Variants in MED15 observed in about 807,000 individuals in gnomAD.
MED15 encodes mediator of RNA polymerase II transcription subunit 15.
A neutral mutation model predicts 118.7 loss-of-function variants in MED15; 41 were observed. That is an observed-to-expected ratio of 0.35 (90% confidence interval 0.27 to 0.45). The LOEUF (loss-of-function observed/expected upper bound fraction) is 0.45, where lower values mean the gene tolerates loss of function less well. MED15 is among the 20% of genes least tolerant of loss of function. MED15 has a pLI of 1.00. For synonymous variants in MED15, 436 were observed against 413.9 expected, an observed-to-expected ratio of 1.05 and a Z score of -0.65; for missense variants, 740 against 1,025.5, an observed-to-expected ratio of 0.72 and a Z score of 3.80.
In MED15 at chr22:20,585,207, G is replaced by A. The variant is rs752601073; in HGVS notation, c.2071G>A (p.Val691Ile). The A allele has an allele frequency of 1.6e-5, 26 of 1,613,636 alleles. No individual in the cohort carries two copies. The South Asian group carries it at 2.7e-4, about 17-fold the overall frequency. The change falls in exon 16 of 18, where the codon GTA becomes ATA. Residue 691 changes from valine to isoleucine, a missense_variant. By Grantham distance (29) the Val-to-Ile change is conservative. Transcript: ENST00000263205. Reference sequence around the variant, plus strand: ...GGCCAGGCTGGACCCCAAGTTCCTGGTAAACCTGGACCCTTCTCACTGCAG... The same window carrying A: ...GGCCAGGCTGGACCCCAAGTTCCTGATAAACCTGGACCCTTCTCACTGCAG... Reference protein sequence around the residue: ...EVARLDPKFLVNLDPSHCSNN... With the variant: ...EVARLDPKFLINLDPSHCSNN...
At chr22:20,556,877 G>T (rs2056033358) in intron 5 of MED15, among the ~76,000 whole-genome samples, 1 of 152,170 alleles carries the variant, frequency 6.6e-6, no homozygotes, top group Non-Finnish European at 1.5e-5. Flanking sequence ...GACTTTTTGA[G>T]ATTGGCTTTT....
intron 6 of MED15, among the ~76,000 whole-genome samples, chr22:20,565,096 G>A (rs777266240): frequency 1.3e-5 from 2 of 152,216 alleles, no homozygotes; most frequent in African/African-American, 2.4e-5. Flanking sequence ...CTGCGCTCCA[G>A]CCTGGGCAGC....
chr22:20,509,778 A>G (rs1011751388), intron 1 of MED15, among the ~76,000 whole-genome samples: 2 of 152,178 alleles, frequency 1.3e-5, no homozygotes, highest in East Asian at 1.9e-4. Flanking sequence ...AGTTATCTGT[A>G]GGTGAAAACT....
At chr22:20,514,171 G>A (rs1204608258) in intron 1 of MED15, among the ~76,000 whole-genome samples, 1 of 152,102 alleles carries the variant, frequency 6.6e-6, no homozygotes, top group Non-Finnish European at 1.5e-5. Context: ...TGCCTTTGTT[G>A]ACTCTTTATT....
At chr22:20,578,808 C>T (rs749244913) in intron 9 of MED15, among the ~76,000 whole-genome samples, 4 of 152,370 alleles carry the variant, frequency 2.6e-5, no homozygotes, top group Admixed American at 6.5e-5. Flanking sequence ...CTTGCTCTTT[C>T]CTTGTGGCAA....
rs545523809 is a variant in MED15, at chr22:20,581,405, A to G, written c.1273-1206A>G. On this transcript the variant is annotated intron_variant, in intron 9 of 17. Transcript: ENST00000263205. ...CCCAGTACTCACAGCACTGTGGTGG[A>G]AGTGCTTGGGGGGTGGTGTGAGCCG... 1.9e-4 allele frequency among the ~76,000 whole-genome samples: 29 copies of G among 152,214 alleles called. 1 individual carries two copies. Among genetic ancestry groups the G allele is most frequent in the African/African-American group, 7.0e-4 (29 of 41,530 alleles).
intron 2 of MED15, among the ~76,000 whole-genome samples, chr22:20,541,585 G>A (rs2055315432): frequency 6.6e-6 from 1 of 150,496 alleles, no homozygotes; most frequent in Non-Finnish European, 1.5e-5. Flanking sequence ...CCAAATTCCG[G>A]TGATTTTCCT....
chr22:20,583,001 CA>C (rs1462533671), intron 11 of MED15, 34 bp downstream of exon 11: 1 of 1,600,090 alleles, frequency 6.2e-7, no homozygotes. Context: ...GGTCACTCCT[CA>C]CCTTTATGAG....
At chr22:20,507,901 G>T (rs1230364736) in intron 1 of MED15, 155 bp downstream of exon 1, 5 of 1,468,486 alleles carry the variant, frequency 3.4e-6, no homozygotes, top group Admixed American at 2.6e-5. Flanking sequence ...CCCCCCGTCT[G>T]TCCCCTCCGT....
chr22:20,563,232 A>T (rs2056311065), intron 5 of MED15, among the ~76,000 whole-genome samples: 1 of 152,182 alleles, frequency 6.6e-6, no homozygotes, highest in Admixed American at 6.5e-5. Context: ...AACCTCGCAT[A>T]AAAACCCATG....
At chr22:20,508,338 A>G in intron 1 of MED15, 2 of 1,304,310 alleles carry the variant, frequency 1.5e-6, no homozygotes, top group South Asian at 2.5e-5. Context: ...AGCTGGGGTC[A>G]GTGGCCCCGC....
chr22:20,568,428 G>T, intron 7 of MED15, 93 bp from the exon 8 acceptor site: 1 of 1,530,648 alleles, frequency 6.5e-7, no homozygotes. Flanking sequence ...CTCACCTCAA[G>T]AAAGGCTCCA....
intron 2 of MED15, among the ~76,000 whole-genome samples, chr22:20,544,572 C>G (rs969476307): frequency 8.5e-5 from 13 of 152,132 alleles, no homozygotes; most frequent in Non-Finnish European, 1.9e-4. Flanking sequence ...GAGGCTGAGG[C>G]AGGAGAATGG....
chr22:20,552,712 A>G (rs1403705197), intron 3 of MED15: 8 of 298,262 alleles, frequency 2.7e-5, no homozygotes, highest in Non-Finnish European at 5.5e-5. Flanking sequence ...TCATCTAGGT[A>G]ACAGAGACAC....
intron 8 of MED15, among the ~76,000 whole-genome samples, chr22:20,569,381 G>A (rs1364381326): frequency 6.6e-6 from 1 of 152,206 alleles, no homozygotes; most frequent in Non-Finnish European, 1.5e-5. Context: ...CGGAAGGGGC[G>A]TTGGCTTTAG....
intron 5 of MED15, among the ~76,000 whole-genome samples, chr22:20,559,966 T>C (rs568593803): frequency 3.0e-4 from 45 of 152,324 alleles, no homozygotes; most frequent in African/African-American, 1.1e-3. Context: ...GCAGTGATTC[T>C]CACCCAGGGT....
At chr22:20,584,219 G>T (rs2057069306) in intron 13 of MED15, 140 bp from the exon 14 acceptor site, 2 of 821,712 alleles carry the variant, frequency 2.4e-6, no homozygotes, top group Admixed American at 4.2e-5. Context: ...TTCAACTCTG[G>T]GTCTGGGAAC....
chr22:20,551,869 G>A (rs1259729251), intron 3 of MED15: 1 of 278,114 alleles, frequency 3.6e-6, no homozygotes, highest in Non-Finnish European at 7.0e-6. Context: ...GGAGGCCAGA[G>A]ACACTTAGGC....
intron 1 of MED15, among the ~76,000 whole-genome samples, chr22:20,529,383 G>A (rs985365294): frequency 6.6e-6 from 1 of 151,998 alleles, no homozygotes; most frequent in Non-Finnish European, 1.5e-5. Flanking sequence ...AAGTAGCTGG[G>A]ATTATGGCCG....
Sources: gnomAD v4.1 joint callset for allele counts (sites outside exome capture counted in the v4.1 genomes callset) on GRCh38, gnomAD v4.1.1 for gene constraint, MANE v1.5 for transcripts, NCBI Gene and HGNC (gene_info 2026-07-23, HGNC 2026-07-21) for gene names.